The following SVOPL variants were observed in gnomAD, a reference collection of about 807,000 sequenced individuals.
The protein encoded by SVOPL is SVOP like.
SVOPL carries 60 observed loss-of-function variants against 61.0 expected under a neutral mutation model. That is an observed-to-expected ratio of 0.98 (90% CI 0.80 to 1.22). SVOPL has a LOEUF of 1.22. Among genes scored for constraint, SVOPL ranks in the 50% most tolerant of loss-of-function variants. The pLI is 0.00. For synonymous variants in SVOPL, 279 were observed against 250.0 expected (o/e 1.12, Z -1.09); for missense variants, 662 against 643.9 (o/e 1.03, Z -0.30).
intron 9 of SVOPL, among the ~76,000 whole-genome samples, chr7:138,637,866 C>T (rs1253606648): frequency 1.3e-5 from 2 of 152,040 alleles, no homozygotes; most frequent in African/African-American, 4.8e-5. Context: ...GCAGGAGAAT[C>T]GCTTGAACCC....
intron 14 of SVOPL, among the ~76,000 whole-genome samples, chr7:138,602,707 T>C (rs13231090): frequency 0.17 from 16,854 of 96,642 alleles, 1,070 homozygotes; most frequent in Middle Eastern, 0.26. Context: ...TGCCCTTGCA[T>C]AGGCACCCTC....
intron 13 of SVOPL, among the ~76,000 whole-genome samples, chr7:138,621,872 A>G (rs1799594947): frequency 6.9e-6 from 1 of 145,288 alleles, no homozygotes; most frequent in African/African-American, 2.6e-5. Flanking sequence ...CTATCTATCT[A>G]TCTATCTATC....
At chr7:138,627,545 C>A in intron 11 of SVOPL, 84 bp from the exon 12 acceptor site, 3 of 1,035,112 alleles carry the variant, frequency 2.9e-6, no homozygotes, top group South Asian at 1.4e-5. Flanking sequence ...TCATCCTTGT[C>A]GTTTCAGAAA....
intron 7 of SVOPL, among the ~76,000 whole-genome samples, chr7:138,650,323 G>A (rs1801360514): frequency 6.6e-6 from 1 of 152,064 alleles, no homozygotes; most frequent in Non-Finnish European, 1.5e-5. Context: ...GATGCCTCCT[G>A]AGTTTGTGTT....
Position 138,659,962 on chromosome 7 carries a change from T to C in SVOPL, c.372A>G (p.Gly124=). 1 of 1,551,198 alleles carries C rather than the reference T, an allele frequency of 6.4e-7. No homozygotes were observed. ...WKILLISFLW[G]AYFSLLTSFA... ...ACGAGGTCAGCAAGGAGAAATAGGC[T>C]CCCCACAGGAACGAGATGAGCAGAA... Residue 124 remains glycine, a synonymous_variant, in exon 6 of 16, where the codon GGA becomes GGG. Transcript: ENST00000674285.
At chr7:138,619,418 A>T (rs1251393035) in intron 14 of SVOPL, among the ~76,000 whole-genome samples, 1 of 151,986 alleles carries the variant, frequency 6.6e-6, no homozygotes, top group African/African-American at 2.4e-5. Flanking sequence ...AGAAAAAAAA[A>T]ATGACAACTT....
chr7:138,605,016 G>A (rs1231345247), intron 14 of SVOPL, among the ~76,000 whole-genome samples: 1 of 151,766 alleles, frequency 6.6e-6, no homozygotes, highest in African/African-American at 2.4e-5. Context: ...AGGAGTTCAA[G>A]ACTGGCCTGG....
chr7:138,658,679 C>CA (rs1563125401), intron 6 of SVOPL, among the ~76,000 whole-genome samples: 1 of 152,126 alleles, frequency 6.6e-6, no homozygotes, highest in African/African-American at 2.4e-5. Flanking sequence ...AAAAAGCTAA[C>CA]ACCTGCTTGA....
rs1202942252 is a variant in SVOPL, at chr7:138,602,690, A to T, written c.1354-6160T>A. ...TGCCAGCAGGAGGCTTAAACCACAA[A>T]AGCCCCTGCCCTTGCATAGGCACCC... On this transcript the variant is annotated intron_variant, in intron 14 of 15. Transcript: ENST00000674285. 2.1e-5 allele frequency among the ~76,000 whole-genome samples: 3 copies of T among 142,412 alleles called. No individual in the cohort carries two copies. The East Asian group carries it at 6.2e-4, about 29-fold the overall frequency. 93.4% of individuals were successfully genotyped at this position (142,412 alleles called of 152,430 possible).
chr7:138,604,175 G>A (rs995741117), intron 14 of SVOPL, among the ~76,000 whole-genome samples: 1 of 151,704 alleles, frequency 6.6e-6, no homozygotes, highest in Non-Finnish European at 1.5e-5. Context: ...TGTTGCTCAG[G>A]CTGGTCTCAG....
At chr7:138,644,638 T>TC in intron 9 of SVOPL, 79 bp downstream of exon 9, 1 of 1,550,546 alleles carries the variant, frequency 6.4e-7, no homozygotes. Context: ...GGGTCCCCCC[T>TC]CCCTCCAGCC....
chr7:138,694,078 C>T (rs983999912), intron 1 of SVOPL, among the ~76,000 whole-genome samples: 2 of 152,162 alleles, frequency 1.3e-5, no homozygotes, highest in African/African-American at 4.8e-5. Context: ...AATAGGCACT[C>T]GAACTATTGG....
chr7:138,624,473 T>C (rs1320754946), intron 13 of SVOPL, among the ~76,000 whole-genome samples: 3 of 152,180 alleles, frequency 2.0e-5, no homozygotes, highest in Non-Finnish European at 2.9e-5. Context: ...TCAAATCATA[T>C]TCATTCCTAA....
intron 14 of SVOPL, chr7:138,597,302 G>A: frequency 8.8e-7 from 1 of 1,139,840 alleles, no homozygotes. Context: ...AAACTATCTG[G>A]CTGAATACAA....
At chr7:138,619,202 G>A (rs1354619515) in intron 14 of SVOPL, among the ~76,000 whole-genome samples, 1 of 152,112 alleles carries the variant, frequency 6.6e-6, no homozygotes, top group Non-Finnish European at 1.5e-5. Flanking sequence ...AAACCCAGAA[G>A]TTGGAGGCCA....
intron 14 of SVOPL, among the ~76,000 whole-genome samples, chr7:138,601,047 C>T (rs1012528546): frequency 4.0e-5 from 6 of 151,602 alleles, no homozygotes; most frequent in South Asian, 2.1e-4. Flanking sequence ...GTCAGGAGAT[C>T]GAGACCATCC....
At chr7:138,615,906 A>T (rs1018339973) in intron 14 of SVOPL, among the ~76,000 whole-genome samples, 6 of 152,282 alleles carry the variant, frequency 3.9e-5, no homozygotes, top group African/African-American at 1.4e-4. Flanking sequence ...CTCTTTCTGG[A>T]TGTGAGGACA....
intron 3 of SVOPL, among the ~76,000 whole-genome samples, chr7:138,672,417 G>T (rs1253965660): frequency 6.6e-6 from 1 of 152,132 alleles, no homozygotes; most frequent in African/African-American, 2.4e-5. Context: ...AGGGAGCTGT[G>T]TGAAGGCCAC....
chr7:138,678,528 A>G lies in SVOPL; in HGVS notation c.83-3T>C. The G allele has an allele frequency of 5.2e-6, 8 of 1,551,844 alleles. No homozygotes were observed. Among genetic ancestry groups the G allele is most frequent in the Non-Finnish European group, 7.0e-6 (8 of 1,147,020 alleles). On this transcript the variant is annotated splice_polypyrimidine_tract_variant and splice_region_variant and intron_variant, in intron 2 of 15. Transcript: ENST00000674285. Reference sequence around the variant, plus strand: ...TTCCACGGTGAACGTCTTTGGCTCTAACAACGAAAGACAAAGTGGAAAAAA... The same window carrying G: ...TTCCACGGTGAACGTCTTTGGCTCTGACAACGAAAGACAAAGTGGAAAAAA...
Sources: gnomAD v4.1 joint callset for allele counts (sites outside exome capture counted in the v4.1 genomes callset) on GRCh38, gnomAD v4.1.1 for gene constraint, MANE v1.5 for transcripts, NCBI Gene and HGNC (gene_info 2026-07-23, HGNC 2026-07-21) for gene names.